The following ERBB4 variants were observed in gnomAD, a reference collection of about 807,000 sequenced individuals.
ERBB4 encodes the protein erb-b2 receptor tyrosine kinase 4.
In ERBB4, 42 loss-of-function variants were observed where a neutral mutation model predicts 158.0. That is an observed-to-expected ratio of 0.27 (90% CI 0.21 to 0.34). The LOEUF (loss-of-function observed/expected upper bound fraction) is 0.34. Ranked by LOEUF, ERBB4 falls within the 10% of genes least tolerant of loss-of-function variation. The probability of loss-of-function intolerance (pLI) is 1.00; values close to 1 mark genes in which losing one functional copy is unlikely to be tolerated. For synonymous variants in ERBB4, 583 were observed against 558.7 expected (o/e 1.04, Z -0.61); for missense variants, 1,333 against 1,624.1 (o/e 0.82, Z 3.08).
chr2:212,478,305 G>C (rs1477405876), intron 1 of ERBB4, among the ~76,000 whole-genome samples: 1 of 151,980 alleles, frequency 6.6e-6, no homozygotes, highest in Non-Finnish European at 1.5e-5. Context: ...TTTATAACGG[G>C]GAGAATTCAG....
intron 1 of ERBB4, among the ~76,000 whole-genome samples, chr2:212,263,155 C>G (rs924076164): frequency 1.3e-5 from 2 of 152,052 alleles, no homozygotes; most frequent in Non-Finnish European, 2.9e-5. Flanking sequence ...CAAGGAATGG[C>G]AAGGAATGCC....
chr2:212,234,094 C>A (rs1308549817), intron 1 of ERBB4, among the ~76,000 whole-genome samples: 1 of 151,878 alleles, frequency 6.6e-6, no homozygotes, highest in Non-Finnish European at 1.5e-5. Flanking sequence ...CAACCCATCA[C>A]CTACATTAGG....
intron 25 of ERBB4, among the ~76,000 whole-genome samples, chr2:211,413,306 A>AAG (rs2125383691): frequency 1.7e-5 from 1 of 57,168 alleles, no homozygotes; most frequent in East Asian, 3.1e-4. Context: ...ACCCTGTCTT[A>AAG]AAAACACACA....
intron 20 of ERBB4, among the ~76,000 whole-genome samples, chr2:211,434,635 T>G (rs1229146496): frequency 6.6e-6 from 1 of 152,144 alleles, no homozygotes; most frequent in Non-Finnish European, 1.5e-5. Context: ...ACTCTGAAAG[T>G]TTTTTGAAAT....
intron 1 of ERBB4, among the ~76,000 whole-genome samples, chr2:212,332,755 T>C (rs77306329): frequency 0.023 from 3,552 of 151,986 alleles, 141 homozygotes; most frequent in African/African-American, 0.081. Context: ...AAACTTAGAG[T>C]AATAATTTAA....
At chr2:211,497,621 C>T (rs188235265) in intron 20 of ERBB4, among the ~76,000 whole-genome samples, 2 of 152,082 alleles carry the variant, frequency 1.3e-5, no homozygotes, top group East Asian at 1.9e-4. Context: ...AGGAAACAGG[C>T]ACATACATTG....
chr2:212,061,418 A>T (rs2077760980), intron 2 of ERBB4, among the ~76,000 whole-genome samples: 1 of 126,052 alleles, frequency 7.9e-6, no homozygotes, highest in South Asian at 2.7e-4. Context: ...GTTCCACTGC[A>T]CTCCAGCCTG....
intron 1 of ERBB4, among the ~76,000 whole-genome samples, chr2:212,298,048 A>G (rs2086479087): frequency 6.6e-6 from 1 of 151,832 alleles, no homozygotes. Context: ...AATGTAAAAT[A>G]TTGAGTAAAA....
chr2:211,980,919 C>T (rs1055863805), intron 2 of ERBB4, among the ~76,000 whole-genome samples: 4 of 151,994 alleles, frequency 2.6e-5, no homozygotes, highest in African/African-American at 9.7e-5. Flanking sequence ...TAGATCATCA[C>T]TGCTTTTTAA....
chr2:212,448,206 T>C (rs539440828), intron 1 of ERBB4, among the ~76,000 whole-genome samples: 1 of 152,302 alleles, frequency 6.6e-6, no homozygotes, highest in South Asian at 2.1e-4. Context: ...ACAGTAATGA[T>C]TTTAATGCAT....
chr2:211,811,802 C>T (rs1388390425), intron 3 of ERBB4, among the ~76,000 whole-genome samples: 3 of 151,986 alleles, frequency 2.0e-5, no homozygotes, highest in Admixed American at 1.3e-4. Flanking sequence ...TCCATTTGAT[C>T]GAATCAGCTA....
rs1229608458 is a variant in ERBB4 at position 212,319,514 on chromosome 2, T to G, written c.83-194611A>C. Among the ~76,000 whole-genome samples the G allele has an allele frequency of 2.0e-5, 3 of 150,618 alleles. 1 individual carries two copies. The highest frequency in any genetic ancestry group is 4.5e-5 in the Non-Finnish European group (3 of 67,160). ...TAATATGTAACCTTTCTAAATGACA[T>G]TTCTGTAGCAAGCATAAGCATTTAA... On this transcript the variant is annotated intron_variant, in intron 1 of 27. Coordinates refer to ENST00000342788, the MANE Select transcript of ERBB4 (RefSeq NM_005235.3).
intron 16 of ERBB4, among the ~76,000 whole-genome samples, chr2:211,638,709 G>A (rs368061065): frequency 2.0e-5 from 3 of 151,942 alleles, no homozygotes; most frequent in South Asian, 2.1e-4. Flanking sequence ...CATTTCATTC[G>A]ATAACACAGT....
chr2:212,467,463 G>A (rs1688895378), intron 1 of ERBB4, among the ~76,000 whole-genome samples: 3 of 152,270 alleles, frequency 2.0e-5, no homozygotes, highest in Admixed American at 2.0e-4. Context: ...TCCAGATGTG[G>A]CTGAAGGGCC....
chr2:212,232,229 C>T (rs905167625), intron 1 of ERBB4, among the ~76,000 whole-genome samples: 1 of 151,976 alleles, frequency 6.6e-6, no homozygotes, highest in Non-Finnish European at 1.5e-5. Flanking sequence ...ATTATGAAGA[C>T]TACATAAGTG....
chr2:212,375,052 G>T (rs1290674340), intron 1 of ERBB4, among the ~76,000 whole-genome samples: 1 of 151,776 alleles, frequency 6.6e-6, no homozygotes, highest in Non-Finnish European at 1.5e-5. Context: ...CCTAACTATA[G>T]GTCAGATAGC....
intron 3 of ERBB4, among the ~76,000 whole-genome samples, chr2:211,937,276 A>G (rs1203534771): frequency 1.3e-5 from 2 of 152,162 alleles, no homozygotes; most frequent in East Asian, 3.8e-4. Context: ...AACATTTTAT[A>G]AAAGGGTTTT....
At chr2:211,726,229 C>T (rs1423045749) in intron 5 of ERBB4, among the ~76,000 whole-genome samples, 1 of 152,100 alleles carries the variant, frequency 6.6e-6, no homozygotes, top group Non-Finnish European at 1.5e-5. Context: ...ATTAGCATTC[C>T]CCAGACCTGT....
chr2:212,019,219 A>G (rs1344058070), intron 2 of ERBB4, among the ~76,000 whole-genome samples: 3 of 152,210 alleles, frequency 2.0e-5, no homozygotes, highest in African/African-American at 7.2e-5. Context: ...AAGGTCTTAG[A>G]AAATGTCTGG....
Sources: gnomAD v4.1 joint callset for allele counts (sites outside exome capture counted in the v4.1 genomes callset) on GRCh38, gnomAD v4.1.1 for gene constraint, MANE v1.5 for transcripts, NCBI Gene and HGNC (gene_info 2026-07-23, HGNC 2026-07-21) for gene names.